Variants in CACNA1A observed in about 807,000 individuals in gnomAD.
The protein encoded by CACNA1A is calcium voltage-gated channel subunit alpha1 A, also known as voltage-dependent P/Q-type calcium channel subunit alpha-1A.
Under a neutral mutation model 262.4 loss-of-function variants are expected in CACNA1A, and 57 were observed. That is an observed-to-expected ratio of 0.22 (90% CI 0.18 to 0.27). The LOEUF (loss-of-function observed/expected upper bound fraction) is 0.27, where lower values mean the gene tolerates loss of function less well. Among genes scored for constraint, CACNA1A ranks in the 10% least tolerant of loss-of-function variants. CACNA1A has a pLI of 1.00. For synonymous variants in CACNA1A, 1,431 were observed against 1,419.3 expected, an observed-to-expected ratio of 1.01 and a Z score of -0.18; for missense variants, 2,526 against 3,562.8, an observed-to-expected ratio of 0.71 and a Z score of 7.41.
chr19:13,264,647 G>T (rs903445594), intron 24 of CACNA1A, among the ~76,000 whole-genome samples: 1 of 152,096 alleles, frequency 6.6e-6, no homozygotes, highest in Non-Finnish European at 1.5e-5. Context: ...TGCTAGAAAT[G>T]CCCTTCCTCC....
intron 19 of CACNA1A, among the ~76,000 whole-genome samples, chr19:13,291,662 C>T (rs989729334): frequency 2.1e-5 from 3 of 142,138 alleles, no homozygotes; most frequent in Non-Finnish European, 3.0e-5. Context: ...AAAAAATTAG[C>T]TGGGCGTAGT....
At chr19:13,350,606 T>C (rs1297821910) in intron 6 of CACNA1A, among the ~76,000 whole-genome samples, 1 of 152,154 alleles carries the variant, frequency 6.6e-6, no homozygotes, top group African/African-American at 2.4e-5. Flanking sequence ...CTTTTAAGCT[T>C]AATACTCCCA....
intron 3 of CACNA1A, among the ~76,000 whole-genome samples, chr19:13,386,099 T>G (rs1474680245): frequency 6.6e-6 from 1 of 150,934 alleles, no homozygotes; most frequent in African/African-American, 2.4e-5. Context: ...AGCAGTGAGC[T>G]GTGATTGTGC....
At chr19:13,325,810 CATG>C (rs1284565301) in intron 10 of CACNA1A, among the ~76,000 whole-genome samples, 4 of 152,122 alleles carry the variant, frequency 2.6e-5, no homozygotes, top group African/African-American at 9.7e-5. Context: ...TAGTGCATAA[CATG>C]ATATTTTGAC....
At position 13,506,437 on chromosome 19, in the gene CACNA1A, C is replaced by T; in HGVS notation, c.-213G>A. 1 of 376,620 alleles carries T rather than the reference C, an allele frequency of 2.7e-6. No individual in the cohort carries two copies. Among genetic ancestry groups the T allele is most frequent in the Non-Finnish European group, 4.6e-6 (1 of 215,202 alleles). The allele number at this position is 376,620 out of a possible 1,614,324, so 23.3% of individuals were successfully genotyped here. ...TCAGAAGGCGGCTGCCCGGGCCGAG[C>T]CGGGGATAGCAGCTCGGGACATCTT... On this transcript the variant is annotated 5_prime_UTR_variant, in exon 1 of 47. Transcript: ENST00000360228.
At chr19:13,349,007 CAAAAAA>C (rs60884577) in intron 6 of CACNA1A, among the ~76,000 whole-genome samples, 1 of 59,680 alleles carries the variant, frequency 1.7e-5, no homozygotes, top group African/African-American at 7.0e-5. Flanking sequence ...GACGCTGTCT[CAAAAAA>C]AAAAAAAAAA....
At chr19:13,234,481 T>C (rs912445654) in intron 34 of CACNA1A, among the ~76,000 whole-genome samples, 3 of 152,094 alleles carry the variant, frequency 2.0e-5, no homozygotes, top group African/African-American at 7.2e-5. Flanking sequence ...GTTTTCTTAT[T>C]TGTCGGATAG....
At chr19:13,368,293 C>A (rs8106124) in intron 4 of CACNA1A, among the ~76,000 whole-genome samples, 1 of 150,456 alleles carries the variant, frequency 6.6e-6, no homozygotes, top group African/African-American at 2.4e-5. Flanking sequence ...TCCAGCCTGG[C>A]GACAGAGCAA....
chr19:13,421,786 A>G (rs2060320463), intron 3 of CACNA1A, among the ~76,000 whole-genome samples: 1 of 152,102 alleles, frequency 6.6e-6, no homozygotes, highest in Admixed American at 6.6e-5. Flanking sequence ...TGAGGTGTAT[A>G]AGCCACCCAG....
Position 13,389,807 on chromosome 19 carries a change from A to ATTAT in CACNA1A, c.540-18032_540-18029dup, listed in dbSNP as rs968656613. On this transcript the variant is annotated intron_variant, in intron 3 of 46. Coordinates refer to ENST00000360228, the MANE Select transcript of CACNA1A (RefSeq NM_001127222.2). Reference sequence around the variant, plus strand: ...TTTGCATTTTTATTTTTACTTTATTATTATTTATTTATTTATTTATTTTGA... The same window carrying ATTAT: ...TTTGCATTTTTATTTTTACTTTATTATTATTTATTTATTTATTTATTTATTTTGA... Among the ~76,000 whole-genome samples the ATTAT allele has an allele frequency of 2.3e-4, 35 of 151,464 alleles. 1 individual carries two copies. Among genetic ancestry groups the ATTAT allele is most frequent in the Admixed American group, 6.6e-4 (10 of 15,188 alleles).
intron 31 of CACNA1A, among the ~76,000 whole-genome samples, chr19:13,242,240 C>T (rs2056099967): frequency 6.6e-6 from 1 of 152,208 alleles, no homozygotes; most frequent in Non-Finnish European, 1.5e-5. Flanking sequence ...CATTTTCAAA[C>T]TCCTGGTTTC....
chr19:13,209,176 G>A (rs943906573), intron 45 of CACNA1A, 136 bp downstream of exon 45: 15 of 1,318,028 alleles, frequency 1.1e-5, no homozygotes, highest in African/African-American at 1.5e-5. Context: ...TCCTGCAGCT[G>A]CTGCCTGGCC....
Position 13,212,818 on chromosome 19 carries a change from T to C in CACNA1A, c.5941-78A>G. Reference sequence around the variant, plus strand: ...GTGGTACCCAGAAGGCATTGCGACATCCCCAGTATACACACACACACACAC... The same window carrying C: ...GTGGTACCCAGAAGGCATTGCGACACCCCCAGTATACACACACACACACAC... On this transcript the variant is annotated intron_variant, in intron 40 of 46. Coordinates refer to ENST00000360228, the MANE Select transcript of CACNA1A (RefSeq NM_001127222.2). The surrounding 1 kb of genome is among the most constrained non-coding windows in gnomAD (Gnocchi z 5.6). The C allele has an allele frequency of 1.6e-6, 1 of 615,256 alleles. No individual in the cohort carries two copies. Among genetic ancestry groups the C allele is most frequent in the South Asian group, 2.3e-5 (1 of 43,316 alleles). The allele number at this position is 615,256 out of a possible 1,614,324, so 38.1% of individuals were successfully genotyped here. A position where few individuals can be genotyped will look rare whatever the true frequency, so the allele number is the denominator to read the frequency against.
intron 1 of CACNA1A, among the ~76,000 whole-genome samples, chr19:13,500,626 G>A (rs1982265749): frequency 6.6e-6 from 1 of 152,170 alleles, no homozygotes; most frequent in South Asian, 2.1e-4. Flanking sequence ...AACAGTTTGA[G>A]AGCCTCTTAT....
At chr19:13,384,071 G>C (rs1270680395) in intron 3 of CACNA1A, among the ~76,000 whole-genome samples, 1 of 152,170 alleles carries the variant, frequency 6.6e-6, no homozygotes, top group East Asian at 1.9e-4. Context: ...TCTCATCTTG[G>C]TCTCTTAGTG....
At chr19:13,493,910 C>T (rs1014764460) in intron 1 of CACNA1A, among the ~76,000 whole-genome samples, 1 of 152,226 alleles carries the variant, frequency 6.6e-6, no homozygotes, top group Admixed American at 6.5e-5. Context: ...AAACAAGACA[C>T]CCCTTTCTCT....
intron 3 of CACNA1A, among the ~76,000 whole-genome samples, chr19:13,414,320 C>G (rs904610518): frequency 1.3e-5 from 2 of 152,136 alleles, no homozygotes; most frequent in Non-Finnish European, 2.9e-5. Flanking sequence ...ATTGCTTGAG[C>G]CCAAGAAGTC....
chr19:13,235,194 G>A lies in CACNA1A; in HGVS notation c.5133+15C>T. 1 of 1,607,144 alleles carries A rather than the reference G, an allele frequency of 6.2e-7. No individual in the cohort carries two copies. Among genetic ancestry groups the A allele is most frequent in the Non-Finnish European group, 8.5e-7 (1 of 1,176,488 alleles). On this transcript the variant is annotated intron_variant, in intron 33 of 46. Coordinates refer to ENST00000360228, the MANE Select transcript of CACNA1A (RefSeq NM_001127222.2). The stretch of plus-strand genomic sequence containing the variant: ...CCTTGGGAGGCTCTGGGAACCTTAG[G>A]GACACGACACTCACCTGCATCCCAA...
rs1391643887 is a variant in CACNA1A at position 13,402,903 on chromosome 19, T to C, written c.540-31124A>G. On this transcript the variant is annotated intron_variant, in intron 3 of 46. Coordinates refer to ENST00000360228, the MANE Select transcript of CACNA1A (RefSeq NM_001127222.2). ...ATATATATATATATATATATATATA[T>C]ATATATATATATACTTGCAAGTGAA... 2.3e-4 allele frequency among the ~76,000 whole-genome samples: 29 copies of C among 125,026 alleles called. 1 individual carries two copies. The highest frequency in any genetic ancestry group is 1.4e-3 in the Admixed American group (16 of 11,330). The allele number at this position is 125,026 out of a possible 152,430, so 82.0% of individuals were successfully genotyped here.
Sources: allele counts gnomAD v4.1 joint callset (sites outside exome capture counted in the v4.1 genomes callset), GRCh38; gene constraint gnomAD v4.1.1; non-coding constraint Gnocchi (gnomAD v3.1); transcripts MANE v1.5; gene names NCBI Gene and HGNC (gene_info 2026-07-23, HGNC 2026-07-21).